The following FCER2 variants were observed in gnomAD, a reference collection of about 807,000 sequenced individuals.
FCER2 encodes the protein low affinity immunoglobulin epsilon Fc receptor.
In FCER2, 38 loss-of-function variants were observed where a neutral mutation model predicts 49.7. That is an observed-to-expected ratio of 0.76 (90% CI 0.59 to 1.00). FCER2 has a LOEUF of 1.00. Ranked by LOEUF, FCER2 falls within the 50% of genes least tolerant of loss-of-function variation. FCER2 has a pLI of 0.00. For missense variants in FCER2, 425 were observed against 419.5 expected (o/e 1.01, Z -0.11); for synonymous variants, 163 against 164.6 (o/e 0.99, Z 0.07).
intron 8 of FCER2, among the ~76,000 whole-genome samples, chr19:7,695,440 A>C (rs114230172): frequency 0.01 from 1,549 of 152,282 alleles, 22 homozygotes; most frequent in African/African-American, 0.033. Context: ...AGAGGAAAAA[A>C]ATTGTAGGAG....
Position 7,690,428 on chromosome 19 carries a change from C to A in FCER2, c.599G>T (p.Ser200Ile), listed in dbSNP as rs758683190. The change falls in exon 9 of 11, where the codon AGC becomes ATC. Residue 200 changes from serine to isoleucine, a missense_variant. Physicochemically the swap from Ser to Ile is moderately radical, Grantham distance 142. Coordinates refer to ENST00000597921, the MANE Select transcript of FCER2 (RefSeq NM_001220500.2). ...ACDDMEGQLV[S>I]IHSPEEQDFL... ...CACCTGCTCCTCCGGGCTGTGGATG[C>A]TGACCAGCTGCCCTTCCATGTCGTC... The A allele has an allele frequency of 9.3e-6, 15 of 1,613,936 alleles. No individual in the cohort carries two copies. Among genetic ancestry groups the A allele is most frequent in the African/African-American group, 1.3e-5 (1 of 74,942 alleles).
At chr19:7,698,881 G>A in intron 2 of FCER2, 27 bp from the exon 3 acceptor site, 1 of 1,556,812 alleles carries the variant, frequency 6.4e-7, no homozygotes, top group Non-Finnish European at 8.7e-7. Flanking sequence ...GACTGACTAT[G>A]GGTGCAGGGT....
At position 7,699,775 on chromosome 19, in the gene FCER2, G is replaced by A; in HGVS notation, c.-15C>T. 1 of 1,613,324 alleles carries A rather than the reference G, an allele frequency of 6.2e-7. No individual in the cohort carries two copies. The highest frequency in any genetic ancestry group is 8.5e-7 in the Non-Finnish European group (1 of 1,179,398). Reference sequence around the variant, plus strand: ...CCTTCCTCCATGGCGGTCCTGCTTGGATTCTCCCGATGATGGAGCACTCAC... The same window carrying A: ...CCTTCCTCCATGGCGGTCCTGCTTGAATTCTCCCGATGATGGAGCACTCAC... On this transcript the variant is annotated 5_prime_UTR_variant, in exon 2 of 11. Transcript: ENST00000597921.
intron 1 of FCER2, among the ~76,000 whole-genome samples, chr19:7,701,542 A>C (rs2033151772): frequency 6.6e-6 from 1 of 152,014 alleles, no homozygotes; most frequent in Non-Finnish European, 1.5e-5. Flanking sequence ...CCAAGAGGGT[A>C]AGTCATTTGT....
intron 8 of FCER2, among the ~76,000 whole-genome samples, chr19:7,695,196 C>T (rs2032980585): frequency 6.6e-6 from 1 of 152,166 alleles, no homozygotes; most frequent in African/African-American, 2.4e-5. Context: ...CTGCTAGCCT[C>T]CTGAGGTCAA....
At chr19:7,689,476 G>C (rs1375175425) in intron 10 of FCER2, 46 bp from the exon 11 acceptor site, 1 of 1,288,470 alleles carries the variant, frequency 7.8e-7, no homozygotes, top group Admixed American at 2.1e-5. Flanking sequence ...GGGAGAAGGA[G>C]CCCAGTTCCC....
At chr19:7,699,553 A>T in intron 2 of FCER2, 186 bp downstream of exon 2, 2 of 1,208,370 alleles carry the variant, frequency 1.7e-6, no homozygotes, top group South Asian at 1.5e-5. Context: ...TCAATTTGCC[A>T]CTCCTTCCTG....
Position 7,699,783 on chromosome 19 carries a change from C to T in FCER2, c.-23G>A, listed in dbSNP as rs759675233. The T allele has an allele frequency of 6.2e-6, 10 of 1,612,924 alleles. No homozygotes were observed. Among genetic ancestry groups the T allele is most frequent in the African/African-American group, 1.3e-5 (1 of 74,988 alleles). ...CATGGCGGTCCTGCTTGGATTCTCC[C>T]GATGATGGAGCACTCACTCCCTGAC... is the stretch of plus-strand genomic sequence containing the variant. On this transcript the variant is annotated 5_prime_UTR_variant, in exon 2 of 11. Transcript: ENST00000597921.
intron 3 of FCER2, 101 bp from the exon 4 acceptor site, chr19:7,698,510 G>T: frequency 9.6e-7 from 1 of 1,043,762 alleles, no homozygotes; most frequent in Non-Finnish European, 1.5e-6. Flanking sequence ...TTGGGTATAA[G>T]CCATGGAGGT....
rs1402749317 is a variant in FCER2, at chr19:7,698,859, C to T, written c.23-5G>A. On this transcript the variant is annotated splice_region_variant and splice_polypyrimidine_tract_variant and intron_variant, in intron 2 of 10. Transcript: ENST00000597921. ...TCCTGGGAAGCTCCTCGATCTCTGC[C>T]GGGGGTGGAGGGACTGACTATGGGT... 17 of 1,582,726 alleles carry T rather than the reference C, an allele frequency of 1.1e-5. No individual in the cohort carries two copies. The highest frequency in any genetic ancestry group is 2.3e-5 in the South Asian group (2 of 86,904).
At position 7,697,219 on chromosome 19, in the gene FCER2, C is replaced by T. The variant is rs117434896; in HGVS notation, c.316+17G>A. The T allele has an allele frequency of 9.3e-6, 15 of 1,613,676 alleles. No individual in the cohort carries two copies. In the East Asian group the frequency reaches 1.6e-4, roughly 17 times the overall value. On this transcript the variant is annotated intron_variant, in intron 6 of 10. Coordinates refer to ENST00000597921, the MANE Select transcript of FCER2 (RefSeq NM_001220500.2). The stretch of plus-strand genomic sequence containing the variant: ...CCCACCCAATCTGGCTTCATAACCC[C>T]GATCCCAGTCTCTCACCCTGAGATT...
chr19:7,698,266 C>A, intron 4 of FCER2, 90 bp downstream of exon 4: 1 of 940,774 alleles, frequency 1.1e-6, no homozygotes, highest in Non-Finnish European at 1.6e-6. Flanking sequence ...AGTTCCTTAG[C>A]GAGGGGACAC....
Position 7,699,855 on chromosome 19 carries a change from G to A in FCER2, c.-85-10C>T, listed in dbSNP as rs2287867. Reference sequence around the variant, plus strand: ...ACAATCACAGCTCTGGCTGATTTGGGATTTAATGATGGTTAGGGTGAGCCA... The same window carrying A: ...ACAATCACAGCTCTGGCTGATTTGGAATTTAATGATGGTTAGGGTGAGCCA... On this transcript the variant is annotated splice_polypyrimidine_tract_variant and intron_variant, in intron 1 of 10. Coordinates refer to ENST00000597921, the MANE Select transcript of FCER2 (RefSeq NM_001220500.2). The A allele has an allele frequency of 0.54, 660,165 of 1,221,064 alleles. 179,865 individuals are homozygous for A. The highest frequency in any genetic ancestry group is 0.66 in the East Asian group (28,272 of 42,528). The allele number at this position is 1,221,064 out of a possible 1,614,324, so 75.6% of individuals were successfully genotyped here.
At position 7,689,037 on chromosome 19, in the gene FCER2, C is replaced by T. The variant is rs754423450; in HGVS notation, c.*156G>A. The T allele has an allele frequency of 2.3e-5, 14 of 617,950 alleles. No homozygotes were observed. Among genetic ancestry groups the T allele is most frequent in the Non-Finnish European group, 3.5e-5 (12 of 347,642 alleles). The allele number at this position is 617,950 out of a possible 1,614,324, so 38.3% of individuals were successfully genotyped here. A position where few individuals can be genotyped will look rare whatever the true frequency, so the allele number is the denominator to read the frequency against. ...GGAGAGGGTGCTGTTGGGGTGTACT[C>T]CTGGGAAGGCAGGGGCCATAGAGGA... is the stretch of plus-strand genomic sequence containing the variant. On this transcript the variant is annotated 3_prime_UTR_variant, in exon 11 of 11. Transcript: ENST00000597921.
chr19:7,698,738 C>T lies in FCER2; in HGVS notation c.136+3G>A, dbSNP rs2033083890. ...GACCACATGGAGCTGGGGGTGTCCT[C>T]ACGCCACAGGAGAAGCAGAGTCAGC... On this transcript the variant is annotated splice_donor_region_variant and intron_variant, in intron 3 of 10. Transcript: ENST00000597921. 1 of 1,611,796 alleles carries T rather than the reference C, an allele frequency of 6.2e-7. No homozygotes were observed. The highest frequency in any genetic ancestry group is 8.5e-7 in the Non-Finnish European group (1 of 1,179,250).
At position 7,690,444 on chromosome 19, in the gene FCER2, C is replaced by G. The variant is rs867413961; in HGVS notation, c.583G>C (p.Glu195Gln). 6.2e-7 allele frequency: 1 copy of G among 1,613,984 alleles called. No homozygotes were observed. Among genetic ancestry groups the G allele is most frequent in the Admixed American group, 1.7e-5 (1 of 60,002 alleles). ...VHARYACDDMEGQLVSIHSPE... is the reference protein window; with the variant it reads ...VHARYACDDMQGQLVSIHSPE... ...CTGTGGATGCTGACCAGCTGCCCTT[C>G]CATGTCGTCACAGGCATACCGGGCG... Residue 195 changes from glutamate to glutamine, a missense_variant, in exon 9 of 11, where the codon GAA becomes CAA. Coordinates refer to ENST00000597921, the MANE Select transcript of FCER2 (RefSeq NM_001220500.2).
intron 2 of FCER2, 84 bp downstream of exon 2, chr19:7,699,655 G>C: frequency 7.4e-7 from 1 of 1,356,010 alleles, no homozygotes; most frequent in Non-Finnish European, 1.0e-6. Context: ...AGAGGGACTG[G>C]GGAGCCCCGC....
chr19:7,699,456 C>T (rs2033104363), intron 2 of FCER2: 2 of 1,468,768 alleles, frequency 1.4e-6, no homozygotes, highest in Non-Finnish European at 1.8e-6. Flanking sequence ...CTATTGGGCT[C>T]CCCGCTCCCT....
At chr19:7,696,273 T>C (rs999806883) in intron 8 of FCER2, among the ~76,000 whole-genome samples, 5 of 152,074 alleles carry the variant, frequency 3.3e-5, no homozygotes, top group Non-Finnish European at 2.9e-5. Context: ...CTAATTTTTG[T>C]AGTTTTAGTA....
Sources: gnomAD v4.1 joint callset for allele counts (sites outside exome capture counted in the v4.1 genomes callset) on GRCh38, gnomAD v4.1.1 for gene constraint, MANE v1.5 for transcripts, NCBI Gene and HGNC (gene_info 2026-07-23, HGNC 2026-07-21) for gene names.